The following LINGO2 variants were observed in gnomAD, a reference collection of about 807,000 sequenced individuals.
The protein encoded by LINGO2 is leucine-rich repeat and immunoglobulin-like domain-containing nogo receptor-interacting protein 2.
In LINGO2, 14 loss-of-function variants were observed where a neutral mutation model predicts 30.6. That is an observed-to-expected ratio of 0.46 (90% CI 0.30 to 0.72). The LOEUF (loss-of-function observed/expected upper bound fraction) is 0.72. Ranked by LOEUF, LINGO2 falls within the 30% of genes least tolerant of loss-of-function variation. LINGO2 has a pLI of 0.07. For synonymous variants in LINGO2, 317 were observed against 288.5 expected (o/e 1.10, Z -1.00); for missense variants, 729 against 751.7 (o/e 0.97, Z 0.35).
the LINGO2 span, among the ~76,000 whole-genome samples, chr9:29,106,771 CA>C: frequency 6.6e-6 from 1 of 152,046 alleles, no homozygotes; most frequent in Non-Finnish European, 1.5e-5. Flanking sequence ...AGTAAACATG[CA>C]AGGAAGTTCA....
At chr9:28,760,290 G>A in the LINGO2 span, among the ~76,000 whole-genome samples, 470 of 152,020 alleles carry the variant, frequency 3.1e-3, 5 homozygotes, top group African/African-American at 0.011. Context: ...TCAAGTGGAG[G>A]CTTCTAAATA....
At chr9:28,566,738 G>T (rs753727718) in intron 1 of LINGO2, among the ~76,000 whole-genome samples, 1 of 152,272 alleles carries the variant, frequency 6.6e-6, no homozygotes, top group Middle Eastern at 3.4e-3. Context: ...GATATGGCAT[G>T]CTTTGCACTG....
intron 1 of LINGO2, among the ~76,000 whole-genome samples, chr9:28,476,292 T>C (rs1358739672): frequency 6.6e-6 from 1 of 152,198 alleles, no homozygotes; most frequent in Non-Finnish European, 1.5e-5. Context: ...TTTATTTATT[T>C]TGAGACGGAG....
chr9:29,135,336 G>A, the LINGO2 span, among the ~76,000 whole-genome samples: 11 of 151,940 alleles, frequency 7.2e-5, no homozygotes, highest in Non-Finnish European at 7.4e-5. Flanking sequence ...AAAGCGAGCA[G>A]ATCATTAGGT....
intron 1 of LINGO2, among the ~76,000 whole-genome samples, chr9:28,516,263 C>T (rs957079705): frequency 6.6e-6 from 1 of 152,124 alleles, no homozygotes; most frequent in Non-Finnish European, 1.5e-5. Flanking sequence ...TTTAATCTCT[C>T]CCCACAAATG....
intron 4 of LINGO2, among the ~76,000 whole-genome samples, chr9:28,192,349 A>G (rs1819852755): frequency 1.3e-5 from 2 of 152,116 alleles, no homozygotes; most frequent in African/African-American, 4.8e-5. Flanking sequence ...AACCCAGTAA[A>G]TGTTCACTGA....
At chr9:28,280,560 T>C (rs1466115672) in intron 4 of LINGO2, among the ~76,000 whole-genome samples, 1 of 152,174 alleles carries the variant, frequency 6.6e-6, no homozygotes, top group Non-Finnish European at 1.5e-5. Flanking sequence ...TACTTCCTAG[T>C]GTGTTCCATT....
At chr9:28,468,077 T>C (rs1014852819) in intron 2 of LINGO2, among the ~76,000 whole-genome samples, 2 of 152,096 alleles carry the variant, frequency 1.3e-5, no homozygotes, top group Non-Finnish European at 2.9e-5. Flanking sequence ...CTAAAATAAA[T>C]AGATAAACTT....
chr9:28,208,279 C>T (rs965381506), intron 4 of LINGO2, among the ~76,000 whole-genome samples: 1 of 152,066 alleles, frequency 6.6e-6, no homozygotes, highest in East Asian at 1.9e-4. Flanking sequence ...CCTACTCTAA[C>T]TGCTGCCTGT....
chr9:28,664,060 C>T (rs1828694621), intron 1 of LINGO2, among the ~76,000 whole-genome samples: 4 of 151,942 alleles, frequency 2.6e-5, no homozygotes, highest in African/African-American at 7.3e-5. Flanking sequence ...ATATTTATAT[C>T]GAGAGAGGAT....
chr9:28,354,016 G>A lies in LINGO2; in HGVS notation c.-246+18820C>T, dbSNP rs527640242. ...TGGGGCCTGTTGTGGGGTGGGTGAG[G>A]GGGCAGGGATAGCATCGGGAGATAT... On this transcript the variant is annotated intron_variant, in intron 3 of 5. Transcript: ENST00000379992. 2.1e-3 allele frequency among the ~76,000 whole-genome samples: 315 copies of A among 152,216 alleles called. 1 individual carries two copies. The highest frequency in any genetic ancestry group is 2.2e-3 in the Non-Finnish European group (147 of 68,016).
rs73437494 is a variant in LINGO2, at chr9:28,460,918, T to C, written c.-279+15022A>G. On this transcript the variant is annotated intron_variant, in intron 2 of 5. Transcript: ENST00000379992. ...GACTAAAAATGTCTAGAAACTGTTG[T>C]ATCATTTCCTTTTTAGTTCAACCTA... 1.1e-3 allele frequency among the ~76,000 whole-genome samples: 170 copies of C among 152,270 alleles called. 2 individuals carry two copies. Among genetic ancestry groups the C allele is most frequent in the African/African-American group, 3.8e-3 (159 of 41,562 alleles).
the LINGO2 span, among the ~76,000 whole-genome samples, chr9:28,950,895 A>G: frequency 1.3e-5 from 2 of 152,134 alleles, no homozygotes; most frequent in African/African-American, 2.4e-5. Context: ...AAATGACTTT[A>G]AATTTCATAT....
the LINGO2 span, among the ~76,000 whole-genome samples, chr9:29,207,674 T>C: frequency 6.6e-6 from 1 of 152,080 alleles, no homozygotes; most frequent in Non-Finnish European, 1.5e-5. Context: ...GCATTTAGTC[T>C]TACTCATTTT....
the LINGO2 span, among the ~76,000 whole-genome samples, chr9:28,972,454 G>T: frequency 1.3e-5 from 2 of 152,142 alleles, no homozygotes; most frequent in Non-Finnish European, 2.9e-5. Flanking sequence ...TTAACAAATA[G>T]ATTGAAATAA....
intron 4 of LINGO2, among the ~76,000 whole-genome samples, chr9:28,096,827 G>A (rs757215995): frequency 3.3e-5 from 5 of 152,034 alleles, no homozygotes; most frequent in Non-Finnish European, 5.9e-5. Flanking sequence ...ATCTGACTCC[G>A]ACACACAGAT....
At chr9:28,440,658 G>A (rs548087477) in intron 2 of LINGO2, among the ~76,000 whole-genome samples, 44 of 152,140 alleles carry the variant, frequency 2.9e-4, no homozygotes, top group African/African-American at 9.9e-4. Context: ...ATAACTAAAG[G>A]AATATAAATA....
the LINGO2 span, among the ~76,000 whole-genome samples, chr9:29,002,263 T>C: frequency 2.0e-5 from 3 of 152,070 alleles, no homozygotes; most frequent in African/African-American, 7.2e-5. Context: ...CCCTTGATTA[T>C]ATATCCCAAG....
At chr9:28,689,503 T>G in the LINGO2 span, among the ~76,000 whole-genome samples, 10 of 150,916 alleles carry the variant, frequency 6.6e-5, no homozygotes, top group African/African-American at 2.4e-4. Context: ...AAAACCACAA[T>G]GAGATACCAT....
Sources: gnomAD v4.1 joint callset for allele counts (sites outside exome capture counted in the v4.1 genomes callset) on GRCh38, gnomAD v4.1.1 for gene constraint, MANE v1.5 for transcripts, NCBI Gene and HGNC (gene_info 2026-07-23, HGNC 2026-07-21) for gene names.